Variants in DLC1 observed in about 807,000 individuals in gnomAD.
DLC1 encodes the protein rho GTPase-activating protein 7.
In DLC1, 54 loss-of-function variants were observed where a neutral mutation model predicts 140.3. The observed-to-expected ratio is 0.38, with a 90% confidence interval of 0.31 to 0.48. DLC1 has a LOEUF of 0.48. DLC1 is among the 20% of genes least tolerant of loss of function. DLC1 has a pLI of 0.96. For synonymous variants in DLC1, 986 were observed against 728.1 expected, an observed-to-expected ratio of 1.35 and a Z score of -5.70; for missense variants, 2,536 against 1,907.0, an observed-to-expected ratio of 1.33 and a Z score of -6.14.
chr8:13,401,545 A>T lies in DLC1; in HGVS notation c.1098T>A (p.Asp366Glu). 1 of 1,613,550 alleles carries T rather than the reference A, an allele frequency of 6.2e-7. No individual in the cohort carries two copies. The highest frequency in any genetic ancestry group is 8.5e-7 in the Non-Finnish European group (1 of 1,180,010). Reference protein sequence around the residue: ...VLLIMKLDQLDQDIENALSTS... With the variant: ...VLLIMKLDQLEQDIENALSTS... Reference sequence around the variant, plus strand: ...TGCTGAGGGCATTTTCTATGTCCTGATCAAGCTGGTCCAGTTTCATAATCA... The same window carrying T: ...TGCTGAGGGCATTTTCTATGTCCTGTTCAAGCTGGTCCAGTTTCATAATCA... Residue 366 changes from aspartate (D) to glutamate (E), a missense_variant, in exon 3 of 18, where the codon GAT becomes GAA. Transcript: ENST00000276297.
chr8:13,562,627 C>T (rs1197350318), intron 1 of DLC1, among the ~76,000 whole-genome samples: 2 of 152,120 alleles, frequency 1.3e-5, no homozygotes, highest in African/African-American at 4.8e-5. Context: ...GCAGAAATGT[C>T]ATATGTGTAC....
intron 4 of DLC1, among the ~76,000 whole-genome samples, chr8:13,321,467 G>A (rs1408863361): frequency 1.5e-5 from 2 of 132,866 alleles, no homozygotes; most frequent in African/African-American, 5.5e-5. Flanking sequence ...GAACCCAGGA[G>A]GCAGAAGTTG....
At chr8:13,128,841 A>AT in intron 5 of DLC1, among the ~76,000 whole-genome samples, 2 of 151,444 alleles carry the variant, frequency 1.3e-5, no homozygotes, top group African/African-American at 4.9e-5. Context: ...TCTCAAAAAA[A>AT]AAAAAGAGAA....
At position 13,499,573 on chromosome 8, in the gene DLC1, C is replaced by T. The variant is rs754527270; in HGVS notation, c.499G>A (p.Ala167Thr). The change falls in exon 2 of 18, where the codon GCT (alanine) becomes ACT (threonine). Residue 167 changes from alanine to threonine, a missense_variant. Coordinates refer to ENST00000276297, the MANE Select transcript of DLC1 (RefSeq NM_182643.3). ...NQVSSNSWGI[A>T]GETELALVKE... is the part of the protein sequence containing the mutation. ...ACCAGTGCTAATTCAGTTTCACCAG[C>T]TATTCCCCAGGAGTTAGAAGAAACT... is the stretch of plus-strand genomic sequence containing the variant. The T allele has an allele frequency of 2.7e-5, 44 of 1,614,052 alleles. No individual in the cohort carries two copies. Among genetic ancestry groups the T allele is most frequent in the South Asian group, 3.3e-5 (3 of 91,076 alleles).
intron 2 of DLC1, among the ~76,000 whole-genome samples, chr8:13,482,625 T>C (rs948367717): frequency 6.6e-6 from 1 of 152,244 alleles, no homozygotes; most frequent in African/African-American, 2.4e-5. Context: ...CATAGTTACC[T>C]TTTATTAGCA....
intron 1 of DLC1, among the ~76,000 whole-genome samples, chr8:13,593,767 G>C (rs1333563230): frequency 6.6e-6 from 1 of 152,098 alleles, no homozygotes. Context: ...ACTCAGAAGT[G>C]AAACAATGAA....
chr8:13,578,338 TG>T (rs924525621), intron 1 of DLC1, among the ~76,000 whole-genome samples: 2 of 152,166 alleles, frequency 1.3e-5, no homozygotes, highest in Non-Finnish European at 2.9e-5. Context: ...AAACAAACTG[TG>T]TTTTCGTACT....
At position 13,276,126 on chromosome 8, in the gene DLC1, C is replaced by G. The variant is rs1444545080; in HGVS notation, c.1348+29143G>C. 4.7e-6 allele frequency: 6 copies of G among 1,281,518 alleles called. No homozygotes were observed. The East Asian group carries it at 1.4e-4, about 31-fold the overall frequency. 79.4% of individuals were successfully genotyped at this position (1,281,518 alleles called of 1,614,324 possible). A position where few individuals can be genotyped will look rare whatever the true frequency, so the allele number is the denominator to read the frequency against. Reference sequence around the variant, plus strand: ...ACTAGAGAAAGGGAGACCGAACACACTGCCATGACAAGAATGAAACTTCAA... The same window carrying G: ...ACTAGAGAAAGGGAGACCGAACACAGTGCCATGACAAGAATGAAACTTCAA... On this transcript the variant is annotated intron_variant, in intron 5 of 17. Transcript: ENST00000276297.
At chr8:13,238,963 G>A (rs530193511) in intron 5 of DLC1, among the ~76,000 whole-genome samples, 6 of 152,268 alleles carry the variant, frequency 3.9e-5, no homozygotes, top group Admixed American at 2.6e-4. Flanking sequence ...AGTCCCTGGC[G>A]TCAGGGCACA....
intron 2 of DLC1, among the ~76,000 whole-genome samples, chr8:13,473,051 C>T (rs1326461652): frequency 1.3e-5 from 2 of 152,150 alleles, no homozygotes; most frequent in Admixed American, 6.5e-5. Flanking sequence ...CCACCAAGGG[C>T]TAAACTGTTT....
At chr8:13,168,254 T>C (rs1475127449) in intron 5 of DLC1, among the ~76,000 whole-genome samples, 1 of 152,228 alleles carries the variant, frequency 6.6e-6, no homozygotes, top group Non-Finnish European at 1.5e-5. Flanking sequence ...GAAAGAAGTT[T>C]ATAAATTTGA....
At chr8:13,546,018 T>C (rs1395838832) in intron 1 of DLC1, among the ~76,000 whole-genome samples, 1 of 152,126 alleles carries the variant, frequency 6.6e-6, no homozygotes, top group Non-Finnish European at 1.5e-5. Flanking sequence ...TTCCAGGATA[T>C]GTTAAAGAGA....
intron 2 of DLC1, among the ~76,000 whole-genome samples, chr8:13,423,807 G>A (rs1026026743): frequency 5.3e-5 from 8 of 152,132 alleles, no homozygotes; most frequent in South Asian, 2.1e-4. Flanking sequence ...TTCAAAATCC[G>A]TGTTCTTCTC....
chr8:13,582,142 C>T (rs757297354), intron 1 of DLC1, among the ~76,000 whole-genome samples: 11 of 152,082 alleles, frequency 7.2e-5, no homozygotes, highest in Non-Finnish European at 1.0e-4. Context: ...CATCAAAAAG[C>T]GCTTCTAAGC....
At chr8:13,170,238 C>T (rs1179175127) in intron 5 of DLC1, among the ~76,000 whole-genome samples, 1 of 152,060 alleles carries the variant, frequency 6.6e-6, no homozygotes, top group African/African-American at 2.4e-5. Flanking sequence ...TCTATATGTT[C>T]TTTAATATTT....
chr8:13,489,447 AC>A (rs1801135453), intron 2 of DLC1, among the ~76,000 whole-genome samples: 1 of 151,280 alleles, frequency 6.6e-6, no homozygotes, highest in Non-Finnish European at 1.5e-5. Flanking sequence ...ACACACACAC[AC>A]AAAATGTTGC....
chr8:13,394,600 C>G (rs991785415), intron 3 of DLC1, among the ~76,000 whole-genome samples: 1 of 152,142 alleles, frequency 6.6e-6, no homozygotes, highest in African/African-American at 2.4e-5. Context: ...ACGTATCACT[C>G]TAGGCTTTTA....
rs147596225 is a variant in DLC1 at position 13,167,853 on chromosome 8, G to A, written c.1349-52196C>T. Among the ~76,000 whole-genome samples the A allele has an allele frequency of 1.3e-3, 202 of 152,164 alleles. 2 individuals are homozygous for A. The highest frequency in any genetic ancestry group is 2.0e-3 in the Non-Finnish European group (136 of 67,998). The stretch of plus-strand genomic sequence containing the variant: ...CTCACATTTGTTATTTTATTAAACC[G>A]CAATTTAAAACAAAAACAAAAACTA... On this transcript the variant is annotated intron_variant, in intron 5 of 17. Coordinates refer to ENST00000276297, the MANE Select transcript of DLC1 (RefSeq NM_182643.3).
chr8:13,117,759 G>C (rs139884264), intron 5 of DLC1, among the ~76,000 whole-genome samples: 1 of 152,150 alleles, frequency 6.6e-6, no homozygotes, highest in African/African-American at 2.4e-5. Context: ...AGTCAGACAC[G>C]GCAGTAGGTG....
Sources: allele counts gnomAD v4.1 joint callset (sites outside exome capture counted in the v4.1 genomes callset), GRCh38; gene constraint gnomAD v4.1.1; transcripts MANE v1.5; gene names NCBI Gene and HGNC (gene_info 2026-07-23, HGNC 2026-07-21).